The following PDGFD variants were observed in gnomAD, a reference collection of about 807,000 sequenced individuals.
PDGFD encodes the protein platelet derived growth factor D, also known as platelet-derived growth factor D.
In PDGFD, 30 loss-of-function variants were observed where a neutral mutation model predicts 44.7. That is an observed-to-expected ratio of 0.67 (90% CI 0.50 to 0.91). PDGFD has a LOEUF of 0.91. Among genes scored for constraint, PDGFD ranks in the 40% least tolerant of loss-of-function variants. PDGFD has a pLI of 0.00. For synonymous variants in PDGFD, 173 were observed against 168.4 expected, an observed-to-expected ratio of 1.03 and a Z score of -0.21; for missense variants, 445 against 457.8, an observed-to-expected ratio of 0.97 and a Z score of 0.25.
intron 1 of PDGFD, among the ~76,000 whole-genome samples, chr11:104,126,092 A>C (rs1817911037): frequency 6.6e-6 from 1 of 152,154 alleles, no homozygotes; most frequent in African/African-American, 2.4e-5. Flanking sequence ...TTTCATGTGG[A>C]GAGAACTCCA....
At chr11:104,089,608 T>C (rs1013370724) in intron 1 of PDGFD, among the ~76,000 whole-genome samples, 2 of 152,196 alleles carry the variant, frequency 1.3e-5, no homozygotes, top group Non-Finnish European at 2.9e-5. Context: ...TATCAATTGA[T>C]CTTGATCAGC....
At chr11:104,116,815 T>C (rs534354092) in intron 1 of PDGFD, among the ~76,000 whole-genome samples, 1 of 151,878 alleles carries the variant, frequency 6.6e-6, no homozygotes. Flanking sequence ...AGTGAATAAG[T>C]CTCACAAGAT....
chr11:103,918,496 T>C (rs1469745618), intron 6 of PDGFD, among the ~76,000 whole-genome samples: 1 of 152,204 alleles, frequency 6.6e-6, no homozygotes, highest in African/African-American at 2.4e-5. Flanking sequence ...AATCAGAGCT[T>C]TGTCGATTTG....
At chr11:103,994,340 C>T (rs1306714720) in intron 3 of PDGFD, among the ~76,000 whole-genome samples, 2 of 152,196 alleles carry the variant, frequency 1.3e-5, no homozygotes, top group African/African-American at 2.4e-5. Context: ...AGAACAGATG[C>T]ATCACTGAAC....
At chr11:104,057,931 C>A (rs1047542834) in intron 1 of PDGFD, among the ~76,000 whole-genome samples, 3 of 152,072 alleles carry the variant, frequency 2.0e-5, no homozygotes, top group African/African-American at 7.2e-5. Flanking sequence ...GATTAGTTTT[C>A]AATAAATTGT....
chr11:103,941,817 A>G (rs1332699548), intron 5 of PDGFD, among the ~76,000 whole-genome samples: 1 of 152,114 alleles, frequency 6.6e-6, no homozygotes, highest in East Asian at 1.9e-4. Context: ...GTCAGCTTTT[A>G]TTGCTCGTTT....
chr11:104,019,758 A>G (rs1859921505), intron 1 of PDGFD, among the ~76,000 whole-genome samples: 1 of 152,190 alleles, frequency 6.6e-6, no homozygotes, highest in South Asian at 2.1e-4. Context: ...AGGGAGATAA[A>G]TGGCTGCACA....
chr11:103,932,228 G>A (rs987414368), intron 5 of PDGFD, among the ~76,000 whole-genome samples: 3 of 150,928 alleles, frequency 2.0e-5, no homozygotes, highest in Non-Finnish European at 4.4e-5. Context: ...AGCTGTGTAT[G>A]TTAATGGTGA....
intron 3 of PDGFD, among the ~76,000 whole-genome samples, chr11:103,981,608 A>G (rs1859274046): frequency 6.6e-6 from 1 of 151,806 alleles, no homozygotes; most frequent in Non-Finnish European, 1.5e-5. Context: ...GACACTCTAG[A>G]TCTCATAGAT....
At position 104,018,538 on chromosome 11, in the gene PDGFD, T is replaced by A. The variant is rs542826850; in HGVS notation, c.125-18283A>T. ...CTGCAGTCGAACCCATGACATGTGA[T>A]CTTGTTAGATTGCTTCTGTATAGGA... On this transcript the variant is annotated intron_variant, in intron 1 of 6. Coordinates refer to ENST00000393158, the MANE Select transcript of PDGFD (RefSeq NM_025208.5). Among the ~76,000 whole-genome samples, 37 of 152,286 alleles carry A rather than the reference T, an allele frequency of 2.4e-4. 1 individual carries two copies. In the South Asian group the frequency reaches 7.7e-3, roughly 32 times the overall value.
intron 3 of PDGFD, among the ~76,000 whole-genome samples, chr11:103,969,001 T>C (rs1282554420): frequency 6.6e-6 from 1 of 152,212 alleles, no homozygotes; most frequent in Non-Finnish European, 1.5e-5. Flanking sequence ...CTAATTCCAC[T>C]TCATCATTTA....
At chr11:104,151,259 G>C (rs773777235) in intron 1 of PDGFD, among the ~76,000 whole-genome samples, 31 of 151,762 alleles carry the variant, frequency 2.0e-4, no homozygotes, top group Non-Finnish European at 3.4e-4. Flanking sequence ...TCCATATTTT[G>C]TTCAAAAAAT....
intron 1 of PDGFD, among the ~76,000 whole-genome samples, chr11:104,022,181 T>C (rs1859965726): frequency 6.6e-6 from 1 of 152,158 alleles, no homozygotes; most frequent in Non-Finnish European, 1.5e-5. Flanking sequence ...GGCTAAAATA[T>C]ATTGGGATCT....
At chr11:104,124,982 A>C (rs1168428136) in intron 1 of PDGFD, among the ~76,000 whole-genome samples, 1 of 152,162 alleles carries the variant, frequency 6.6e-6, no homozygotes, top group Admixed American at 6.6e-5. Context: ...AAACTGCTAC[A>C]ACAAAGGAGG....
At chr11:104,111,498 T>C (rs1230291228) in intron 1 of PDGFD, among the ~76,000 whole-genome samples, 3 of 152,078 alleles carry the variant, frequency 2.0e-5, no homozygotes, top group Non-Finnish European at 4.4e-5. Context: ...GCTCAAGCAA[T>C]CCTTCTGCCT....
At chr11:104,071,734 T>C (rs1254909787) in intron 1 of PDGFD, among the ~76,000 whole-genome samples, 2 of 151,756 alleles carry the variant, frequency 1.3e-5, no homozygotes, top group Admixed American at 6.6e-5. Flanking sequence ...ATGAAACCTT[T>C]CCATACAAAT....
At chr11:104,158,894 C>A in intron 1 of PDGFD, among the ~76,000 whole-genome samples, 1 of 151,736 alleles carries the variant, frequency 6.6e-6, no homozygotes, top group East Asian at 1.9e-4. Context: ...GTGGCTCAAG[C>A]CTGTAATCCC....
chr11:103,968,561 T>A (rs1337921553), intron 3 of PDGFD, among the ~76,000 whole-genome samples: 1 of 152,148 alleles, frequency 6.6e-6, no homozygotes, highest in African/African-American at 2.4e-5. Context: ...AATCTCTAAA[T>A]CCTTCAGGTT....
intron 1 of PDGFD, among the ~76,000 whole-genome samples, chr11:104,094,719 G>C (rs979282346): frequency 6.6e-6 from 1 of 152,054 alleles, no homozygotes; most frequent in Non-Finnish European, 1.5e-5. Flanking sequence ...CAAAATGTTA[G>C]CCATGACATC....
Sources: gnomAD v4.1 joint callset for allele counts (sites outside exome capture counted in the v4.1 genomes callset) on GRCh38, gnomAD v4.1.1 for gene constraint, MANE v1.5 for transcripts, NCBI Gene and HGNC (gene_info 2026-07-23, HGNC 2026-07-21) for gene names.